Variants in SUSD1 observed in about 807,000 individuals in gnomAD.
The protein encoded by SUSD1 is sushi domain containing 1.
Under a neutral mutation model 86.9 loss-of-function variants are expected in SUSD1, and 65 were observed. That is an observed-to-expected ratio of 0.75 (90% CI 0.61 to 0.92). SUSD1 has a LOEUF of 0.92. Among genes scored for constraint, SUSD1 ranks in the 40% least tolerant of loss-of-function variants. The probability of loss-of-function intolerance (pLI) is 0.00; values close to 1 mark genes in which losing one functional copy is unlikely to be tolerated. For synonymous variants in SUSD1, 346 were observed against 350.0 expected (o/e 0.99, Z 0.13); for missense variants, 850 against 929.7 (o/e 0.91, Z 1.11).
At chr9:112,131,082 T>C (rs1474615252) in intron 5 of SUSD1, among the ~76,000 whole-genome samples, 2 of 152,074 alleles carry the variant, frequency 1.3e-5, no homozygotes, top group African/African-American at 4.8e-5. Flanking sequence ...CTATATCTCA[T>C]ATAGTTTACA....
intron 10 of SUSD1, among the ~76,000 whole-genome samples, chr9:112,080,956 G>T (rs988551067): frequency 6.6e-5 from 10 of 152,162 alleles, no homozygotes; most frequent in Non-Finnish European, 1.0e-4. Flanking sequence ...CTCTTGGTTT[G>T]GGCTTCCTTA....
chr9:112,078,833 G>C, intron 11 of SUSD1, 109 bp from the exon 12 acceptor site: 1 of 708,496 alleles, frequency 1.4e-6, no homozygotes, highest in Middle Eastern at 4.3e-4. Context: ...TTTTTTTTGA[G>C]ATGGGGGCCT....
rs1384149069 is a variant in SUSD1, at chr9:112,142,385, G to A, written c.641C>T (p.Pro214Leu). 1 of 1,613,896 alleles carries A rather than the reference G, an allele frequency of 6.2e-7. No individual in the cohort carries two copies. Among genetic ancestry groups the A allele is most frequent in the Non-Finnish European group, 8.5e-7 (1 of 1,179,990 alleles). Residue 214 changes from proline to leucine, a missense_variant, in exon 5 of 17, where the codon CCA (proline) becomes CTA (leucine). By Grantham distance (98) the Pro-to-Leu change is moderately conservative. Coordinates refer to ENST00000374270, the MANE Select transcript of SUSD1 (RefSeq NM_022486.5). ...YACREGFFSVPEDTVSSCTGL... is the reference protein window; with the variant it reads ...YACREGFFSVLEDTVSSCTGL... The stretch of plus-strand genomic sequence containing the variant: ...TGTGCAGCTTGAAACTGTATCTTCT[G>A]GAACACTGAAGAATCCTTCTCTGCA...
At chr9:112,047,364 A>T (rs1278118371) in intron 15 of SUSD1, among the ~76,000 whole-genome samples, 4 of 152,180 alleles carry the variant, frequency 2.6e-5, no homozygotes, top group African/African-American at 9.7e-5. Context: ...TTACAATTCG[A>T]CATGAGATTT....
Position 112,149,300 on chromosome 9 carries a change from T to C in SUSD1, c.317A>G (p.Tyr106Cys), listed in dbSNP as rs1187774950. ...GGFYCICLEG[Y>C]RATNNNKTFI... Reference sequence around the variant, plus strand: ...TGTCTTGTTGTTGTTTGTGGCTCGATATCCTTCCAGGCAAATGCAATAGAA... The same window carrying C: ...TGTCTTGTTGTTGTTTGTGGCTCGACATCCTTCCAGGCAAATGCAATAGAA... Residue 106 changes from tyrosine (Y) to cysteine (C), a missense_variant, in exon 3 of 17, where the codon TAT becomes TGT. Physicochemically the swap from Tyr to Cys is radical, Grantham distance 194. Transcript: ENST00000374270. 1 of 1,614,180 alleles carries C rather than the reference T, an allele frequency of 6.2e-7. No individual in the cohort carries two copies. Among genetic ancestry groups the C allele is most frequent in the Non-Finnish European group, 8.5e-7 (1 of 1,180,016 alleles).
chr9:112,158,368 C>T (rs1833427788), intron 1 of SUSD1, among the ~76,000 whole-genome samples: 1 of 152,060 alleles, frequency 6.6e-6, no homozygotes, highest in Non-Finnish European at 1.5e-5. Context: ...TGTCACATTC[C>T]CTCTGAGGTC....
intron 4 of SUSD1, among the ~76,000 whole-genome samples, chr9:112,142,988 TTTTTTTTTTTTTTA>T: frequency 8.6e-6 from 1 of 116,312 alleles, no homozygotes; most frequent in African/African-American, 3.7e-5. Flanking sequence ...TTTTTTTTTT[TTTTTTTTTTTTTTA>T]AGACAGAGAT....
At chr9:112,158,513 T>C (rs1833435066) in intron 1 of SUSD1, among the ~76,000 whole-genome samples, 1 of 151,990 alleles carries the variant, frequency 6.6e-6, no homozygotes, top group Non-Finnish European at 1.5e-5. Flanking sequence ...CACCTCAACC[T>C]CCTAAGTAGC....
intron 10 of SUSD1, among the ~76,000 whole-genome samples, chr9:112,085,958 T>C (rs181954996): frequency 4.6e-5 from 7 of 151,562 alleles, no homozygotes; most frequent in Admixed American, 2.6e-4. Flanking sequence ...TAAAACAACA[T>C]AAAACAGAAG....
intron 6 of SUSD1, among the ~76,000 whole-genome samples, chr9:112,120,275 C>G (rs1002122474): frequency 6.6e-6 from 1 of 152,098 alleles, no homozygotes; most frequent in Non-Finnish European, 1.5e-5. Flanking sequence ...GCACTTCAAC[C>G]TGGGTGACAG....
chr9:112,098,506 G>C lies in SUSD1; in HGVS notation c.1438C>G (p.His480Asp). ...NVTLLRSPKR[H>D]SVQITIATPP... is the part of the protein sequence containing the mutation. ...GTTGCTATTGTTATTTGCACTGAGT[G>C]CCGCTTAGGAGATCTCAGCAGGGTC... The change falls in exon 10 of 17, where the codon CAC (histidine) becomes GAC (aspartate). Residue 480 changes from histidine (H) to aspartate (D), a missense_variant. Coordinates refer to ENST00000374270, the MANE Select transcript of SUSD1 (RefSeq NM_022486.5). 6.2e-7 allele frequency: 1 copy of C among 1,614,152 alleles called. No homozygotes were observed. The highest frequency in any genetic ancestry group is 8.5e-7 in the Non-Finnish European group (1 of 1,180,014).
intron 6 of SUSD1, among the ~76,000 whole-genome samples, chr9:112,120,779 T>G (rs1831521165): frequency 6.6e-6 from 1 of 152,230 alleles, no homozygotes; most frequent in South Asian, 2.1e-4. Flanking sequence ...TAGCTTACTA[T>G]GCCCCATGCA....
intron 5 of SUSD1, among the ~76,000 whole-genome samples, chr9:112,126,476 C>T (rs1831778232): frequency 6.6e-6 from 1 of 152,158 alleles, no homozygotes; most frequent in South Asian, 2.1e-4. Context: ...AAATATCACC[C>T]AATTGATAAG....
chr9:112,120,805 C>T (rs1831522539), intron 6 of SUSD1, among the ~76,000 whole-genome samples: 1 of 152,206 alleles, frequency 6.6e-6, no homozygotes, highest in African/African-American at 2.4e-5. Flanking sequence ...ACTGGTTTTT[C>T]ATGCGGTGAC....
intron 3 of SUSD1, chr9:112,145,854 T>A (rs1461864996): frequency 2.0e-5 from 3 of 151,810 alleles, no homozygotes; most frequent in Non-Finnish European, 4.4e-5. Flanking sequence ...TTCCCAGGAG[T>A]CATTCAGGGG....
intron 6 of SUSD1, among the ~76,000 whole-genome samples, chr9:112,120,722 A>G (rs1398528760): frequency 6.6e-6 from 1 of 152,242 alleles, no homozygotes; most frequent in African/African-American, 2.4e-5. Flanking sequence ...TAGCAGTTAC[A>G]TAACATGTTT....
chr9:112,066,125 G>A (rs779760034), intron 12 of SUSD1, among the ~76,000 whole-genome samples: 1 of 152,174 alleles, frequency 6.6e-6, no homozygotes, highest in Non-Finnish European at 1.5e-5. Context: ...AGTCTCCTTC[G>A]CTACATTGCC....
chr9:112,047,346 C>T (rs1828000013), intron 15 of SUSD1, among the ~76,000 whole-genome samples: 2 of 152,166 alleles, frequency 1.3e-5, no homozygotes, highest in Admixed American at 6.5e-5. Context: ...TCCTTCAATA[C>T]ATGGGGATTA....
chr9:112,078,808 T>TCC, intron 11 of SUSD1, 84 bp from the exon 12 acceptor site: 1 of 1,110,502 alleles, frequency 9.0e-7, no homozygotes, highest in Non-Finnish European at 1.2e-6. Context: ...CCTTTTTCTT[T>TCC]CTCTTTTTTT....
Sources: allele counts gnomAD v4.1 joint callset (sites outside exome capture counted in the v4.1 genomes callset), GRCh38; gene constraint gnomAD v4.1.1; transcripts MANE v1.5; gene names NCBI Gene and HGNC (gene_info 2026-07-23, HGNC 2026-07-21).